Variants in SPTBN1 observed in about 807,000 individuals in gnomAD.
The protein encoded by SPTBN1 is spectrin beta, non-erythrocytic 1.
In SPTBN1, 32 loss-of-function variants were observed where a neutral mutation model predicts 266.4. That is an observed-to-expected ratio of 0.12 (90% CI 0.09 to 0.16). The LOEUF (loss-of-function observed/expected upper bound fraction) is 0.16, where lower values mean the gene tolerates loss of function less well. Ranked by LOEUF, SPTBN1 falls within the 10% of genes least tolerant of loss-of-function variation. SPTBN1 has a pLI of 1.00. For missense variants in SPTBN1, 2,296 were observed against 3,067.1 expected (o/e 0.75, Z 5.94); for synonymous variants, 1,336 against 1,162.2 (o/e 1.15, Z -3.04).
rs762307649 is a variant in SPTBN1 at position 54,655,067 on chromosome 2, T to C, written c.5823-3T>C. ...AACGGAGGCATCGTTTGTCTAATTT[T>C]AGGGATGTATCATCTGTTGAACTCT... On this transcript the variant is annotated splice_region_variant and splice_polypyrimidine_tract_variant and intron_variant, in intron 27 of 35. Coordinates refer to ENST00000356805, the MANE Select transcript of SPTBN1 (RefSeq NM_003128.3). 1 of 1,609,494 alleles carries C rather than the reference T, an allele frequency of 6.2e-7. No homozygotes were observed. Among genetic ancestry groups the C allele is most frequent in the South Asian group, 1.1e-5 (1 of 90,356 alleles).
At chr2:54,538,198 A>G (rs1439570770) in intron 2 of SPTBN1, among the ~76,000 whole-genome samples, 1 of 152,246 alleles carries the variant, frequency 6.6e-6, no homozygotes, top group Admixed American at 6.5e-5. Flanking sequence ...AAAGAGAAAC[A>G]AACATTAGCG....
intron 32 of SPTBN1, 174 bp downstream of exon 32, chr2:54,660,173 T>C (rs1472845253): frequency 2.7e-5 from 41 of 1,516,452 alleles, no homozygotes; most frequent in Non-Finnish European, 3.5e-5. Context: ...AATGTTAAAA[T>C]TTTTACTTAA....
chr2:54,484,831 A>G (rs1036805351), intron 1 of SPTBN1, among the ~76,000 whole-genome samples: 3 of 152,210 alleles, frequency 2.0e-5, no homozygotes, highest in Admixed American at 2.0e-4. Context: ...CAAGCACCAG[A>G]ATACGTTTAG....
intron 26 of SPTBN1, among the ~76,000 whole-genome samples, chr2:54,651,974 A>AC (rs775360381): frequency 2.0e-5 from 3 of 151,622 alleles, no homozygotes; most frequent in Non-Finnish European, 2.9e-5. Context: ...TCAGTAATCC[A>AC]CCTCCCCACA....
intron 31 of SPTBN1, among the ~76,000 whole-genome samples, 199 bp from the exon 32 acceptor site, chr2:54,659,737 T>C (rs1301744742): frequency 6.6e-6 from 1 of 152,198 alleles, no homozygotes; most frequent in Non-Finnish European, 1.5e-5. Flanking sequence ...GAGCGGGGCA[T>C]AGGGCATTCC....
chr2:54,458,262 A>G (rs952815434), intron 1 of SPTBN1, among the ~76,000 whole-genome samples: 3 of 152,226 alleles, frequency 2.0e-5, no homozygotes, highest in Admixed American at 6.5e-5. Context: ...ATTTATAAGT[A>G]TATTAAAATT....
chr2:54,646,369 G>T lies in SPTBN1; in HGVS notation c.4760G>T (p.Arg1587Leu), dbSNP rs374474265. ...GAGGAGACAGAGAAACGCCACAGGCGGCTGGAGGAGGCGCACAGGGCCCAG... is the reference window on the plus strand; with the variant it reads ...GAGGAGACAGAGAAACGCCACAGGCTGCTGGAGGAGGCGCACAGGGCCCAG... The part of the protein sequence containing the change: ...LIEETEKRHR[R>L]LEEAHRAQQY... Residue 1587 changes from arginine (R) to leucine (L), a missense_variant, in exon 23 of 36, where the codon CGG becomes CTG. By Grantham distance (102) the Arg-to-Leu change is moderately radical. Around this residue, in one of 12 missense-constraint regions of SPTBN1, gnomAD observed 644 missense variants for 745.3 expected, o/e 0.86. Coordinates refer to ENST00000356805, the MANE Select transcript of SPTBN1 (RefSeq NM_003128.3). This position sits in a 1 kb window ranked among gnomAD's most constrained non-coding sequence, Gnocchi z 4.4. 6.2e-7 allele frequency: 1 copy of T among 1,613,510 alleles called. No homozygotes were observed. Among genetic ancestry groups the T allele is most frequent in the African/African-American group, 1.3e-5 (1 of 74,976 alleles).
intron 2 of SPTBN1, among the ~76,000 whole-genome samples, chr2:54,586,441 A>G (rs1054856162): frequency 2.0e-5 from 3 of 152,190 alleles, no homozygotes; most frequent in East Asian, 3.8e-4. Context: ...ATCTTGTCAT[A>G]ATTCTATAGT....
At chr2:54,600,913 T>G (rs192723739) in intron 3 of SPTBN1, among the ~76,000 whole-genome samples, 67 of 152,162 alleles carry the variant, frequency 4.4e-4, no homozygotes, top group African/African-American at 1.5e-3. Flanking sequence ...CCATAATTAT[T>G]TTATACCAAG....
At chr2:54,591,390 A>G (rs910295745) in intron 2 of SPTBN1, among the ~76,000 whole-genome samples, 1 of 152,182 alleles carries the variant, frequency 6.6e-6, no homozygotes, top group Non-Finnish European at 1.5e-5. Context: ...TAACTTAACT[A>G]TATGTCTGTG....
chr2:54,624,747 T>G, intron 10 of SPTBN1, 57 bp from the exon 11 acceptor site: 1 of 1,605,290 alleles, frequency 6.2e-7, no homozygotes, highest in South Asian at 1.1e-5. Context: ...CCACGGAAGT[T>G]TCCTTGAACA....
At chr2:54,598,846 C>T (rs1676280255) in intron 2 of SPTBN1, among the ~76,000 whole-genome samples, 1 of 152,186 alleles carries the variant, frequency 6.6e-6, no homozygotes, top group African/African-American at 2.4e-5. Flanking sequence ...TACACAGATG[C>T]TCCTTGACTT....
chr2:54,584,398 A>G (rs1675145082), intron 2 of SPTBN1, among the ~76,000 whole-genome samples: 1 of 152,238 alleles, frequency 6.6e-6, no homozygotes. Flanking sequence ...ATATTTCTAG[A>G]AAACAAATAT....
At chr2:54,591,443 A>G (rs764138274) in intron 2 of SPTBN1, among the ~76,000 whole-genome samples, 9 of 152,228 alleles carry the variant, frequency 5.9e-5, no homozygotes, top group Non-Finnish European at 1.3e-4. Flanking sequence ...CTTAGGGGGT[A>G]GGCCATTATC....
chr2:54,610,599 T>C (rs1677147553), intron 3 of SPTBN1, among the ~76,000 whole-genome samples: 2 of 151,798 alleles, frequency 1.3e-5, no homozygotes, highest in South Asian at 4.1e-4. Context: ...TAAAAAGATA[T>C]TTCACAAAAA....
At chr2:54,514,796 C>A (rs1670032169) in intron 1 of SPTBN1, among the ~76,000 whole-genome samples, 1 of 152,224 alleles carries the variant, frequency 6.6e-6, no homozygotes, top group Non-Finnish European at 1.5e-5. Flanking sequence ...TACTAACCAA[C>A]TCCATCTTGC....
chr2:54,521,759 A>G (rs1341983490), intron 1 of SPTBN1, among the ~76,000 whole-genome samples: 1 of 152,206 alleles, frequency 6.6e-6, no homozygotes, highest in Non-Finnish European at 1.5e-5. Context: ...CCTGGGCTCA[A>G]GTGATCTGGC....
intron 3 of SPTBN1, among the ~76,000 whole-genome samples, chr2:54,600,850 A>T (rs987378053): frequency 1.3e-5 from 2 of 151,294 alleles, no homozygotes; most frequent in African/African-American, 2.4e-5. Flanking sequence ...TTTTTGTTCC[A>T]ATAGGGTCCA....
chr2:54,643,631 C>A (rs1051312182), intron 19 of SPTBN1, among the ~76,000 whole-genome samples: 2 of 152,198 alleles, frequency 1.3e-5, no homozygotes, highest in African/African-American at 2.4e-5. Context: ...GAGTCCCCCC[C>A]TTCCCCCCGA....
Sources: allele counts gnomAD v4.1 joint callset (sites outside exome capture counted in the v4.1 genomes callset), GRCh38; gene constraint gnomAD v4.1.1; regional missense constraint gnomAD v4.1.1; non-coding constraint Gnocchi (gnomAD v3.1); transcripts MANE v1.5; gene names NCBI Gene and HGNC (gene_info 2026-07-23, HGNC 2026-07-21).